The following LPP variants were observed in gnomAD, a reference collection of about 807,000 sequenced individuals.
LPP encodes lipoma-preferred partner.
In LPP, 38 loss-of-function variants were observed where a neutral mutation model predicts 60.4. That is an observed-to-expected ratio of 0.63 (90% CI 0.49 to 0.83). The LOEUF is 0.83. Among genes scored for constraint, LPP ranks in the 40% least tolerant of loss-of-function variants. LPP has a pLI of 0.00. For synonymous variants in LPP, 328 were observed against 290.8 expected (o/e 1.13, Z -1.30); for missense variants, 902 against 783.6 (o/e 1.15, Z -1.80).
At chr3:188,408,169 C>A (rs1390424876) in intron 4 of LPP, among the ~76,000 whole-genome samples, 6 of 152,034 alleles carry the variant, frequency 3.9e-5, no homozygotes, top group African/African-American at 1.4e-4. Flanking sequence ...GGGAAAGCTT[C>A]AGTGGACCTC....
At chr3:188,795,881 A>G (rs1215877299) in intron 9 of LPP, among the ~76,000 whole-genome samples, 1 of 152,212 alleles carries the variant, frequency 6.6e-6, no homozygotes, top group Non-Finnish European at 1.5e-5. Flanking sequence ...TCAATGACTA[A>G]CATATAGATT....
At chr3:188,351,987 T>TA (rs1316041594) in intron 3 of LPP, among the ~76,000 whole-genome samples, 1 of 152,182 alleles carries the variant, frequency 6.6e-6, no homozygotes, top group Non-Finnish European at 1.5e-5. Flanking sequence ...TACTTGCACT[T>TA]ACTACATTTT....
intron 4 of LPP, among the ~76,000 whole-genome samples, chr3:188,424,593 G>C (rs1788787471): frequency 6.6e-6 from 1 of 152,062 alleles, no homozygotes; most frequent in Non-Finnish European, 1.5e-5. Context: ...AGCATGGAAT[G>C]GTTTTCCATT....
intron 4 of LPP, among the ~76,000 whole-genome samples, chr3:188,424,319 T>G (rs192799526): frequency 6.6e-6 from 1 of 152,330 alleles, no homozygotes; most frequent in East Asian, 1.9e-4. Context: ...TCTATATATC[T>G]GTTTTGGTAC....
At chr3:188,605,916 T>A (rs1158391426) in intron 6 of LPP, among the ~76,000 whole-genome samples, 1 of 152,168 alleles carries the variant, frequency 6.6e-6, no homozygotes, top group Non-Finnish European at 1.5e-5. Flanking sequence ...ATGGGGAGTT[T>A]GGAAATGAAT....
chr3:188,347,910 G>C (rs1442150651), intron 3 of LPP, among the ~76,000 whole-genome samples: 1 of 152,166 alleles, frequency 6.6e-6, no homozygotes, highest in African/African-American at 2.4e-5. Context: ...CAGGTTAATG[G>C]CTCTCTGAGA....
chr3:188,164,437 G>A (rs1328548480), intron 1 of LPP, among the ~76,000 whole-genome samples: 1 of 152,190 alleles, frequency 6.6e-6, no homozygotes, highest in Non-Finnish European at 1.5e-5. Flanking sequence ...ATCTGCACTT[G>A]TACTTCCTAG....
chr3:188,801,629 A>G (rs919041709), intron 9 of LPP, among the ~76,000 whole-genome samples: 3 of 152,218 alleles, frequency 2.0e-5, no homozygotes, highest in Admixed American at 6.5e-5. Flanking sequence ...ACACTCAGCT[A>G]GTTAGTACCA....
At chr3:188,697,679 T>C (rs1050564103) in intron 7 of LPP, among the ~76,000 whole-genome samples, 4 of 152,218 alleles carry the variant, frequency 2.6e-5, no homozygotes, top group Non-Finnish European at 5.9e-5. Context: ...TATAATATTC[T>C]GTTTAGATAA....
chr3:188,527,035 A>G (rs1300209473), intron 6 of LPP, among the ~76,000 whole-genome samples: 1 of 152,126 alleles, frequency 6.6e-6, no homozygotes, highest in Non-Finnish European at 1.5e-5. Flanking sequence ...AGCAGCAGGG[A>G]GTAGCCTGAG....
At chr3:188,753,633 T>C (rs1728890304) in intron 8 of LPP, among the ~76,000 whole-genome samples, 1 of 151,870 alleles carries the variant, frequency 6.6e-6, no homozygotes. Context: ...TTTTGTTTTT[T>C]TTTACTTTAC....
intron 3 of LPP, among the ~76,000 whole-genome samples, chr3:188,397,627 T>G (rs1320999180): frequency 6.6e-6 from 1 of 151,930 alleles, no homozygotes; most frequent in African/African-American, 2.4e-5. Context: ...TTCTTTTTTT[T>G]TTTTGAGATG....
At chr3:188,867,354 A>G (rs1043478213) in intron 10 of LPP, among the ~76,000 whole-genome samples, 1 of 149,712 alleles carries the variant, frequency 6.7e-6, no homozygotes, top group African/African-American at 2.4e-5. Flanking sequence ...TATTATTGTT[A>G]TTATTTTTTA....
At chr3:188,291,940 CCAAG>C (rs1746133863) in intron 2 of LPP, among the ~76,000 whole-genome samples, 1 of 152,080 alleles carries the variant, frequency 6.6e-6, no homozygotes, top group South Asian at 2.1e-4. Context: ...GTAATTCTTA[CCAAG>C]TACTGTCAGA....
chr3:188,249,829 TAC>T (rs61215623), intron 2 of LPP, among the ~76,000 whole-genome samples: 14,894 of 111,040 alleles, frequency 0.13, 1,127 homozygotes, highest in Middle Eastern at 0.23. Context: ...TTTCTCTGTC[TAC>T]ACACACACAC....
intron 9 of LPP, among the ~76,000 whole-genome samples, chr3:188,793,588 T>G (rs1341500324): frequency 6.6e-6 from 1 of 152,184 alleles, no homozygotes; most frequent in Non-Finnish European, 1.5e-5. Context: ...GCCCTTTAAG[T>G]AAAGCCTACT....
chr3:188,722,249 C>T (rs1018709448), intron 8 of LPP, among the ~76,000 whole-genome samples: 1 of 152,128 alleles, frequency 6.6e-6, no homozygotes, highest in African/African-American at 2.4e-5. Context: ...ACACTAGCAG[C>T]GTCACTGTGT....
At chr3:188,843,766 G>A (rs561045048) in intron 9 of LPP, among the ~76,000 whole-genome samples, 63 of 74,044 alleles carry the variant, frequency 8.5e-4, no homozygotes, top group African/African-American at 2.9e-3. Flanking sequence ...CAGCCTGGGC[G>A]ACAGAGCAAG....
At chr3:188,192,725 CCTCT>C (rs942047468) in intron 1 of LPP, among the ~76,000 whole-genome samples, 3 of 152,162 alleles carry the variant, frequency 2.0e-5, no homozygotes, top group Non-Finnish European at 2.9e-5. Context: ...CACTGTATGG[CCTCT>C]CTCTCCTGGG....
Sources: gnomAD v4.1 joint callset for allele counts (sites outside exome capture counted in the v4.1 genomes callset) on GRCh38, gnomAD v4.1.1 for gene constraint, MANE v1.5 for transcripts, NCBI Gene and HGNC (gene_info 2026-07-23, HGNC 2026-07-21) for gene names.